Variants in NSMAF observed in about 807,000 individuals in gnomAD.
The protein encoded by NSMAF is protein FAN.
In NSMAF, 90 loss-of-function variants were observed where a neutral mutation model predicts 134.9. That is an observed-to-expected ratio of 0.67 (90% CI 0.56 to 0.79). The LOEUF (loss-of-function observed/expected upper bound fraction) is 0.79, where lower values mean the gene tolerates loss of function less well. NSMAF is among the 30% of genes least tolerant of loss of function. The pLI is 0.00. For synonymous variants in NSMAF, 358 were observed against 389.6 expected (o/e 0.92, Z 0.96); for missense variants, 1,010 against 1,119.0 (o/e 0.90, Z 1.39).
At chr8:58,588,064 T>C (rs1805931700) in intron 26 of NSMAF, among the ~76,000 whole-genome samples, 1 of 152,180 alleles carries the variant, frequency 6.6e-6, no homozygotes, top group African/African-American at 2.4e-5. Flanking sequence ...TAAAAATAGG[T>C]ACAGGCAAAT....
chr8:58,654,367 A>G (rs1314504912), intron 1 of NSMAF, among the ~76,000 whole-genome samples: 1 of 152,210 alleles, frequency 6.6e-6, no homozygotes, highest in Admixed American at 6.5e-5. Context: ...CCTGACCAAC[A>G]TGGAGAAACC....
intron 26 of NSMAF, chr8:58,588,719 C>G (rs775759235): frequency 7.8e-6 from 12 of 1,533,924 alleles, no homozygotes; most frequent in East Asian, 2.2e-5. Context: ...TGCACGTGGC[C>G]GCGGCCCTTT....
At chr8:58,599,714 A>T (rs1005775947) in intron 18 of NSMAF, 36 bp downstream of exon 18, 3 of 1,590,692 alleles carry the variant, frequency 1.9e-6, no homozygotes, top group Middle Eastern at 1.7e-4. Context: ...TTGGTAAAGC[A>T]TGTCTATAAT....
chr8:58,620,943 T>C (rs538884389), intron 9 of NSMAF, among the ~76,000 whole-genome samples: 1 of 152,328 alleles, frequency 6.6e-6, no homozygotes, highest in African/African-American at 2.4e-5. Context: ...TTAATTTTTT[T>C]TATTATCTTT....
intron 25 of NSMAF, 99 bp downstream of exon 25, chr8:58,589,908 G>A (rs139397159): frequency 0.01 from 9,799 of 949,374 alleles, 103 homozygotes; most frequent in Middle Eastern, 0.05. Flanking sequence ...AAACAGTGCT[G>A]TGTCCTGGCA....
chr8:58,604,785 C>T, intron 12 of NSMAF, among the ~76,000 whole-genome samples: 1 of 152,040 alleles, frequency 6.6e-6, no homozygotes, highest in East Asian at 1.9e-4. Context: ...ACTCTGTCAC[C>T]CAGGCTGAAT....
At chr8:58,622,378 G>T (rs1806806261) in intron 9 of NSMAF, among the ~76,000 whole-genome samples, 1 of 151,682 alleles carries the variant, frequency 6.6e-6, no homozygotes, top group Non-Finnish European at 1.5e-5. Flanking sequence ...AACTTCAGGT[G>T]TGCACCACCA....
intron 6 of NSMAF, among the ~76,000 whole-genome samples, chr8:58,626,091 C>CGTTTTTTTTTTTTTTTTTTT (rs1563537415): frequency 1.0e-5 from 1 of 99,370 alleles, no homozygotes. Context: ...TTATATAATT[C>CGTTTTTTTTTTTTTTTTTTT]TTTTTTTTTT....
chr8:58,627,322 T>C (rs1470030960), intron 6 of NSMAF, among the ~76,000 whole-genome samples: 7 of 152,142 alleles, frequency 4.6e-5, no homozygotes, highest in Non-Finnish European at 1.5e-5. Flanking sequence ...GGTTACCCAC[T>C]TTCACCACTT....
intron 2 of NSMAF, among the ~76,000 whole-genome samples, chr8:58,640,787 C>G (rs1807317079): frequency 6.6e-6 from 1 of 152,070 alleles, no homozygotes. Flanking sequence ...GTCTCAAACT[C>G]CTGGCCACAA....
intron 1 of NSMAF, among the ~76,000 whole-genome samples, chr8:58,652,216 A>G (rs951258794): frequency 3.9e-5 from 6 of 152,218 alleles, no homozygotes; most frequent in Non-Finnish European, 1.5e-5. Context: ...TCTTAAAAGC[A>G]GTCAGAGAAA....
intron 14 of NSMAF, 50 bp downstream of exon 14, chr8:58,602,008 C>G (rs755443218): frequency 7.1e-7 from 1 of 1,413,728 alleles, no homozygotes; most frequent in Admixed American, 1.8e-5. Flanking sequence ...AAAACACAGG[C>G]CATGGCTTCT....
At chr8:58,611,044 T>G (rs964783753) in intron 9 of NSMAF, among the ~76,000 whole-genome samples, 1 of 152,126 alleles carries the variant, frequency 6.6e-6, no homozygotes, top group African/African-American at 2.4e-5. Context: ...CTTCTGGAGG[T>G]AAATATTATT....
At chr8:58,633,250 C>A (rs1376493564) in intron 5 of NSMAF, among the ~76,000 whole-genome samples, 2 of 152,216 alleles carry the variant, frequency 1.3e-5, no homozygotes, top group Non-Finnish European at 2.9e-5. Flanking sequence ...GACTCACGCA[C>A]CCCAGGAGCA....
In NSMAF at chr8:58,601,677, T is replaced by A. The variant is rs541889155; in HGVS notation, c.1126-142A>T. ...TCTGTTAGATAAGAAAAGGAGAAGA[T>A]AAGAGGGAAAGAAAATCTGTGGCTA... On this transcript the variant is annotated intron_variant, in intron 14 of 30. Transcript: ENST00000038176. 7.4e-5 allele frequency: 95 copies of A among 1,275,808 alleles called. No homozygotes were observed. In the African/African-American group the frequency reaches 1.2e-3, roughly 16 times the overall value. 79.0% of individuals were successfully genotyped at this position (1,275,808 alleles called of 1,614,324 possible).
At chr8:58,606,372 T>C (rs1806412148) in intron 11 of NSMAF, among the ~76,000 whole-genome samples, 1 of 152,206 alleles carries the variant, frequency 6.6e-6, no homozygotes, top group Non-Finnish European at 1.5e-5. Context: ...TGTCTTCACA[T>C]CTCTTCTTCA....
chr8:58,634,137 C>A (rs1214318839), intron 5 of NSMAF, among the ~76,000 whole-genome samples: 4 of 152,010 alleles, frequency 2.6e-5, no homozygotes, highest in African/African-American at 7.3e-5. Context: ...TGTTTGGTCC[C>A]CAGAGCAGTA....
intron 21 of NSMAF, among the ~76,000 whole-genome samples, chr8:58,596,661 G>T (rs1806142283): frequency 6.6e-6 from 1 of 152,218 alleles, no homozygotes; most frequent in South Asian, 2.1e-4. Context: ...CGAGCGCGGT[G>T]GCTCAGGCCT....
intron 1 of NSMAF, among the ~76,000 whole-genome samples, chr8:58,643,511 AAC>A: frequency 6.7e-6 from 1 of 149,864 alleles, no homozygotes; most frequent in South Asian, 2.1e-4. Flanking sequence ...CTCCCACAAG[AAC>A]ACATGCCTCT....
Sources: allele counts gnomAD v4.1 joint callset (sites outside exome capture counted in the v4.1 genomes callset), GRCh38; gene constraint gnomAD v4.1.1; transcripts MANE v1.5; gene names NCBI Gene and HGNC (gene_info 2026-07-23, HGNC 2026-07-21).